DCDC1: variants seen among roughly 807,000 people sequenced by gnomAD.
DCDC1 encodes the protein doublecortin domain-containing protein 1.
DCDC1 carries 200 observed loss-of-function variants against 178.3 expected under a neutral mutation model. That is an observed-to-expected ratio of 1.12 (90% CI 1.00 to 1.26). DCDC1 has a LOEUF of 1.26. Among genes scored for constraint, DCDC1 ranks in the 50% most tolerant of loss-of-function variants. The pLI is 0.00. For missense variants in DCDC1, 1,983 were observed against 1,749.2 expected (o/e 1.13, Z -2.38); for synonymous variants, 690 against 604.8 (o/e 1.14, Z -2.07).
At chr11:30,999,374 ACT>A (rs1951445284) in intron 20 of DCDC1, among the ~76,000 whole-genome samples, 1 of 152,108 alleles carries the variant, frequency 6.6e-6, no homozygotes, top group Non-Finnish European at 1.5e-5. Flanking sequence ...AGCTGTAGGA[ACT>A]CTCTATACTA....
chr11:30,962,330 T>A (rs1226214303), intron 20 of DCDC1, among the ~76,000 whole-genome samples: 1 of 151,914 alleles, frequency 6.6e-6, no homozygotes, highest in Non-Finnish European at 1.5e-5. Flanking sequence ...TTGCCCTATC[T>A]CTTTACATTA....
intron 7 of DCDC1, chr11:31,280,764 ACTT>A (rs1946366826): frequency 1.7e-6 from 1 of 598,134 alleles, no homozygotes; most frequent in Non-Finnish European, 3.2e-6. Flanking sequence ...CTAGGGATGT[ACTT>A]CTTGGGACTC....
chr11:30,927,656 A>G (rs1454078549), intron 22 of DCDC1, among the ~76,000 whole-genome samples: 1 of 152,180 alleles, frequency 6.6e-6, no homozygotes, highest in Non-Finnish European at 1.5e-5. Context: ...AGAAAGTAGA[A>G]GGTACCAACA....
chr11:30,899,427 GTTTTATA>G (rs1944490946), intron 34 of DCDC1, 107 bp downstream of exon 34: 2 of 56,376 alleles, frequency 3.5e-5, no homozygotes, highest in East Asian at 2.4e-4. Context: ...TTTATATATT[GTTTTATA>G]TAGTACTCTT....
chr11:31,153,725 G>A (rs1456822861), intron 9 of DCDC1, among the ~76,000 whole-genome samples: 1 of 151,088 alleles, frequency 6.6e-6, no homozygotes, highest in Non-Finnish European at 1.5e-5. Context: ...AGAGGTTGCA[G>A]TGTGCTGAGA....
At chr11:31,251,463 T>C (rs555866104) in intron 8 of DCDC1, among the ~76,000 whole-genome samples, 1 of 151,950 alleles carries the variant, frequency 6.6e-6, no homozygotes, top group South Asian at 2.1e-4. Flanking sequence ...AGGGCCCGAA[T>C]AGAACAAAAA....
At chr11:31,010,863 T>G (rs1388752220) in intron 20 of DCDC1, among the ~76,000 whole-genome samples, 1 of 152,210 alleles carries the variant, frequency 6.6e-6, no homozygotes, top group Non-Finnish European at 1.5e-5. Flanking sequence ...GACCAGAATT[T>G]CTTGGAGTTA....
chr11:30,962,643 T>G (rs946430806), intron 20 of DCDC1, among the ~76,000 whole-genome samples: 4 of 152,034 alleles, frequency 2.6e-5, no homozygotes, highest in African/African-American at 9.7e-5. Flanking sequence ...TAATTGCCAG[T>G]AGTACATATA....
chr11:31,152,189 G>A (rs1965242355), intron 9 of DCDC1, among the ~76,000 whole-genome samples: 1 of 152,084 alleles, frequency 6.6e-6, no homozygotes, highest in Non-Finnish European at 1.5e-5. Flanking sequence ...TTAGACTTGC[G>A]ACACAAGAAG....
chr11:31,185,566 A>T (rs1022501507), intron 9 of DCDC1, among the ~76,000 whole-genome samples: 1 of 152,204 alleles, frequency 6.6e-6, no homozygotes, highest in African/African-American at 2.4e-5. Flanking sequence ...AACTCTGCTC[A>T]GCAACCTGCA....
rs538821099 is a variant in DCDC1 at position 31,044,730 on chromosome 11, C to G, written c.2591+19739G>C. On this transcript the variant is annotated intron_variant, in intron 20 of 38. Coordinates refer to ENST00000684477, the MANE Select transcript of DCDC1 (RefSeq NM_001387274.1). Reference sequence around the variant, plus strand: ...AGATAACAGTCCAGCCTAGCTAACACTTCAATTTCAGCCTTAAGAAGCCCT... The same window carrying G: ...AGATAACAGTCCAGCCTAGCTAACAGTTCAATTTCAGCCTTAAGAAGCCCT... 3.3e-5 allele frequency among the ~76,000 whole-genome samples: 5 copies of G among 152,308 alleles called. No individual in the cohort carries two copies. The South Asian group carries it at 1.0e-3, about 32-fold the overall frequency.
chr11:30,899,541 C>CTT lies in DCDC1; in HGVS notation c.4763_4764dup (p.Gly1589LysfsTer5). 1 of 1,553,372 alleles carries CTT rather than the reference C, an allele frequency of 6.4e-7. No individual in the cohort carries two copies. Among genetic ancestry groups the CTT allele is most frequent in the Non-Finnish European group, 8.7e-7 (1 of 1,150,178 alleles). The stretch of plus-strand genomic sequence containing the variant: ...TATGCTTGATATAGTTCATACTGAC[C>CTT]TTTTAACTGTCTCATTTTGTGTCTC... On this transcript the variant is annotated frameshift_variant and splice_region_variant, in exon 34 of 39. Coordinates refer to ENST00000684477, the MANE Select transcript of DCDC1 (RefSeq NM_001387274.1). LOFTEE classifies it high-confidence loss of function.
intron 5 of DCDC1, 32 bp downstream of exon 5, chr11:31,306,198 AAT>A: frequency 7.0e-7 from 1 of 1,437,240 alleles, no homozygotes. Flanking sequence ...AGGGAAAAAA[AAT>A]AAAGCACAGA....
At chr11:30,951,138 C>G (rs150764281) in intron 21 of DCDC1, among the ~76,000 whole-genome samples, 3,383 of 152,036 alleles carry the variant, frequency 0.022, 130 homozygotes, top group African/African-American at 0.076. Flanking sequence ...TCAAGAACCC[C>G]AAAGAATCTT....
chr11:31,355,759 G>C (rs1388589009), intron 1 of DCDC1, among the ~76,000 whole-genome samples: 1 of 152,012 alleles, frequency 6.6e-6, no homozygotes. Context: ...AGTAGAGACA[G>C]GGTTTCACCA....
intron 21 of DCDC1, among the ~76,000 whole-genome samples, chr11:30,935,362 A>G (rs1947210370): frequency 6.6e-6 from 1 of 152,128 alleles, no homozygotes; most frequent in South Asian, 2.1e-4. Flanking sequence ...AAATTCCCAC[A>G]AGGTAAAACC....
intron 20 of DCDC1, among the ~76,000 whole-genome samples, chr11:30,998,352 A>G (rs1951387603): frequency 6.6e-6 from 1 of 152,146 alleles, no homozygotes; most frequent in South Asian, 2.1e-4. Context: ...TGTTGAAAAG[A>G]CACAGCAGGA....
At chr11:30,951,934 C>A (rs1461970840) in intron 21 of DCDC1, among the ~76,000 whole-genome samples, 2 of 152,078 alleles carry the variant, frequency 1.3e-5, no homozygotes, top group African/African-American at 4.8e-5. Flanking sequence ...AGACTACAGA[C>A]AAAAATTGCC....
At chr11:31,101,195 G>C (rs1309155041) in intron 15 of DCDC1, among the ~76,000 whole-genome samples, 1 of 152,110 alleles carries the variant, frequency 6.6e-6, no homozygotes, top group African/African-American at 2.4e-5. Context: ...TCTTTGGACT[G>C]CTCTGTCTCT....
Sources: allele counts gnomAD v4.1 joint callset (sites outside exome capture counted in the v4.1 genomes callset), GRCh38; gene constraint gnomAD v4.1.1; transcripts MANE v1.5; gene names NCBI Gene and HGNC (gene_info 2026-07-23, HGNC 2026-07-21).